The following RCN3 variants were observed in gnomAD, a reference collection of about 807,000 sequenced individuals.
RCN3 encodes reticulocalbin-3.
In RCN3, 41 loss-of-function variants were observed where a neutral mutation model predicts 35.9. The ratio of observed to expected loss-of-function variants is 1.14; its 90% CI spans 0.89 to 1.48. The LOEUF (loss-of-function observed/expected upper bound fraction) is 1.48. Among genes scored for constraint, RCN3 ranks in the 40% most tolerant of loss-of-function variants. RCN3 has a pLI of 0.00. For synonymous variants in RCN3, 187 were observed against 193.4 expected, an observed-to-expected ratio of 0.97 and a Z score of 0.27; for missense variants, 451 against 471.3, an observed-to-expected ratio of 0.96 and a Z score of 0.40.
At chr19:49,530,106 C>CGCTACAAGTCCTA (rs1213223424) in intron 2 of RCN3, among the ~76,000 whole-genome samples, 1 of 151,634 alleles carries the variant, frequency 6.6e-6, no homozygotes, top group Non-Finnish European at 1.5e-5. Flanking sequence ...TACAAGTGAA[C>CGCTACAAGTCCTA]GCTACAAGTC....
chr19:49,531,835 C>G (rs944490771), intron 2 of RCN3, among the ~76,000 whole-genome samples: 4 of 152,204 alleles, frequency 2.6e-5, no homozygotes, highest in African/African-American at 9.7e-5. Context: ...CAGTCTCGCT[C>G]TGTCTCCCAG....
At chr19:49,536,603 T>C (rs983912633) in intron 3 of RCN3, among the ~76,000 whole-genome samples, 13 of 148,370 alleles carry the variant, frequency 8.8e-5, no homozygotes, top group African/African-American at 3.2e-4. Context: ...GCCAGGCTTC[T>C]AAAATTTTTT....
intron 5 of RCN3, among the ~76,000 whole-genome samples, chr19:49,540,161 C>G (rs550374567): frequency 4.6e-4 from 70 of 151,214 alleles, no homozygotes; most frequent in Middle Eastern, 3.4e-3. Context: ...ATCTGTCTGT[C>G]TGTGTGTGTG....
At chr19:49,538,592 G>A (rs1022861387) in intron 4 of RCN3, among the ~76,000 whole-genome samples, 26 of 151,954 alleles carry the variant, frequency 1.7e-4, no homozygotes, top group Admixed American at 2.6e-4. Flanking sequence ...GATTACAGGT[G>A]TGAGCCACCG....
intron 1 of RCN3, 183 bp downstream of exon 1, chr19:49,528,241 C>T (rs2080091101): frequency 2.2e-6 from 1 of 463,062 alleles, no homozygotes; most frequent in Non-Finnish European, 3.8e-6. Context: ...GGTCTGGGAC[C>T]CCCCTGAGAC....
In RCN3 at chr19:49,543,201, C is replaced by T. The variant is rs149927163; in HGVS notation, c.975C>T (p.His325=). ...ATGGCGAGGACCTGACCCGGCACCA[C>T]GATGAGCTGTGAGCACCGCGCACCT... ...TNYGEDLTRH[H]DEL Residue 325 remains histidine, a synonymous_variant, in exon 7 of 7, where the codon CAC becomes CAT. Transcript: ENST00000270645. 137 of 1,612,598 alleles carry T rather than the reference C, an allele frequency of 8.5e-5. 1 individual carries two copies. The highest frequency in any genetic ancestry group is 9.5e-5 in the Non-Finnish European group (112 of 1,179,326).
At chr19:49,534,514 AC>A in intron 3 of RCN3, 119 bp downstream of exon 3, 1 of 1,026,392 alleles carries the variant, frequency 9.7e-7, no homozygotes, top group Non-Finnish European at 1.4e-6. Flanking sequence ...ACCAGGCTCT[AC>A]CCACTTTTAG....
chr19:49,528,329 C>G (rs2080091586), intron 1 of RCN3, 138 bp from the exon 2 acceptor site: 1 of 819,266 alleles, frequency 1.2e-6, no homozygotes, highest in Non-Finnish European at 1.7e-6. Context: ...ATCGCCCGCC[C>G]TTTTTGAGCC....
intron 5 of RCN3, among the ~76,000 whole-genome samples, chr19:49,540,865 G>A (rs1189849766): frequency 2.0e-5 from 3 of 151,784 alleles, no homozygotes; most frequent in Non-Finnish European, 2.9e-5. Flanking sequence ...AGCATTCTCC[G>A]GTGCACAGGA....
intron 4 of RCN3, 29 bp from the exon 5 acceptor site, chr19:49,539,090 C>A: frequency 6.4e-7 from 1 of 1,562,882 alleles, no homozygotes; most frequent in Non-Finnish European, 8.6e-7. Context: ...GTCATCGGCC[C>A]CCAGCCTCAA....
At chr19:49,532,184 C>T (rs2080111716) in intron 2 of RCN3, among the ~76,000 whole-genome samples, 1 of 144,960 alleles carries the variant, frequency 6.9e-6, no homozygotes, top group South Asian at 2.2e-4. Context: ...CGGCTCACTG[C>T]AAGCTGCGCC....
At chr19:49,541,610 G>T (rs138297670) in intron 5 of RCN3, among the ~76,000 whole-genome samples, 4 of 152,048 alleles carry the variant, frequency 2.6e-5, no homozygotes, top group Non-Finnish European at 5.9e-5. Context: ...TTAGCTGGGC[G>T]TGGTGGCGGG....
rs892711706 is a variant in RCN3, at chr19:49,538,231, C to T, written c.619-888C>T. Among the ~76,000 whole-genome samples the T allele has an allele frequency of 4.0e-5, 6 of 149,558 alleles. No individual in the cohort carries two copies. In the South Asian group the frequency reaches 8.5e-4, roughly 21 times the overall value. On this transcript the variant is annotated intron_variant, in intron 4 of 6. Coordinates refer to ENST00000270645, the MANE Select transcript of RCN3 (RefSeq NM_020650.3). ...ATGCTGGAGTGCAGTGATGCGATCT[C>T]GGCTCACTGCAAGCTCTGCCTCCCG...
intron 3 of RCN3, among the ~76,000 whole-genome samples, chr19:49,535,932 A>C (rs921236621): frequency 2.0e-5 from 3 of 147,772 alleles, no homozygotes; most frequent in Non-Finnish European, 4.5e-5. Context: ...ATAATATGTT[A>C]TATAACATAT....
chr19:49,536,731 C>G (rs893750046), intron 3 of RCN3, among the ~76,000 whole-genome samples: 2 of 151,390 alleles, frequency 1.3e-5, no homozygotes, highest in African/African-American at 4.9e-5. Flanking sequence ...GCCTCAGACT[C>G]CCGAGTAGCT....
chr19:49,532,744 C>T (rs758862954), intron 2 of RCN3, among the ~76,000 whole-genome samples: 3 of 152,084 alleles, frequency 2.0e-5, no homozygotes, highest in Admixed American at 6.6e-5. Context: ...GGTACTATCT[C>T]GGCTCACTGC....
At chr19:49,532,462 G>T (rs1370705964) in intron 2 of RCN3, among the ~76,000 whole-genome samples, 2 of 141,558 alleles carry the variant, frequency 1.4e-5, no homozygotes, top group East Asian at 4.3e-4. Flanking sequence ...TGCAACCTAC[G>T]CCTCCTGGGT....
At chr19:49,532,654 G>A (rs1224234327) in intron 2 of RCN3, among the ~76,000 whole-genome samples, 2 of 150,972 alleles carry the variant, frequency 1.3e-5, no homozygotes, top group Admixed American at 6.6e-5. Flanking sequence ...GATTACAGGC[G>A]TGAGCCACCG....
In RCN3 at chr19:49,530,519, G is replaced by A. The variant is rs532809448; in HGVS notation, c.242+1805G>A. On this transcript the variant is annotated intron_variant, in intron 2 of 6. Transcript: ENST00000270645. ...TTTCTTTTTTTTTTTTTTTTGAGAC[G>A]GAGTTTTGCTCTTGTTGCCCAGGCT... is the stretch of plus-strand genomic sequence containing the variant. Among the ~76,000 whole-genome samples, 5 of 137,898 alleles carry A rather than the reference G, an allele frequency of 3.6e-5. No individual in the cohort carries two copies. In the East Asian group the frequency reaches 8.9e-4, roughly 25 times the overall value. 90.5% of individuals were successfully genotyped at this position (137,898 alleles called of 152,430 possible).
Sources: allele counts gnomAD v4.1 joint callset (sites outside exome capture counted in the v4.1 genomes callset), GRCh38; gene constraint gnomAD v4.1.1; transcripts MANE v1.5; gene names NCBI Gene and HGNC (gene_info 2026-07-23, HGNC 2026-07-21).